The following SCN10A variants were observed in gnomAD, a reference collection of about 807,000 sequenced individuals.
SCN10A encodes sodium voltage-gated channel alpha subunit 10.
SCN10A carries 162 observed loss-of-function variants against 170.7 expected under a neutral mutation model. The observed-to-expected ratio is 0.95, with a 90% CI of 0.84 to 1.08. SCN10A has a LOEUF of 1.08. Among genes scored for constraint, SCN10A ranks in the 50% least tolerant of loss-of-function variants. SCN10A has a pLI of 0.00. For missense variants in SCN10A, 2,527 were observed against 2,436.9 expected (o/e 1.04, Z -0.78); for synonymous variants, 985 against 904.6 (o/e 1.09, Z -1.59).
chr3:38,799,046 G>A (rs2064356583), intron 1 of SCN10A, among the ~76,000 whole-genome samples: 1 of 152,082 alleles, frequency 6.6e-6, no homozygotes, highest in Non-Finnish European at 1.5e-5. Context: ...GCCTCCCAAA[G>A]TGCTAGGATT....
chr3:38,764,210 A>G (rs192219936), intron 5 of SCN10A, among the ~76,000 whole-genome samples: 1 of 152,318 alleles, frequency 6.6e-6, no homozygotes, highest in African/African-American at 2.4e-5. Flanking sequence ...TTTTGGTTAC[A>G]TGAATAAGTT....
chr3:38,733,584 G>A (rs2063531410), intron 15 of SCN10A, among the ~76,000 whole-genome samples: 1 of 152,120 alleles, frequency 6.6e-6, no homozygotes, highest in Admixed American at 6.5e-5. Flanking sequence ...AATTTATGCT[G>A]TAATTTCTGC....
chr3:38,713,840 G>T (rs1167079772), intron 22 of SCN10A, 118 bp downstream of exon 22: 32 of 1,183,886 alleles, frequency 2.7e-5, no homozygotes, highest in Non-Finnish European at 3.6e-5. Context: ...GTTGGCCAGG[G>T]TGGTTTTGAA....
intron 12 of SCN10A, 118 bp from the exon 13 acceptor site, chr3:38,750,302 A>T (rs2063734748): frequency 1.7e-6 from 1 of 605,516 alleles, no homozygotes; most frequent in East Asian, 2.8e-5. Flanking sequence ...ACTTACAGAT[A>T]GAGATATGTT....
At position 38,793,886 on chromosome 3, in the gene SCN10A, C is replaced by G; in HGVS notation, c.125G>C (p.Arg42Thr). The G allele has an allele frequency of 1.9e-6, 3 of 1,614,072 alleles. No homozygotes were observed. Among genetic ancestry groups the G allele is most frequent in the Non-Finnish European group, 2.5e-6 (3 of 1,179,952 alleles). ...QGTKKAREKHREQKDQEEKPR... is the reference protein window; with the variant it reads ...QGTKKAREKHTEQKDQEEKPR... ...CTTCTCTTCTTGGTCCTTCTGCTCC[C>G]TATGCTTCTCTCTGGCTTTCTTTGT... Residue 42 changes from arginine (R) to threonine (T), a missense_variant, in exon 2 of 28, where the codon AGG becomes ACG. By Grantham distance (71) the Arg-to-Thr change is moderately conservative (BLOSUM62 -1). Coordinates refer to ENST00000449082, the MANE Select transcript of SCN10A (RefSeq NM_006514.4).
intron 1 of SCN10A, among the ~76,000 whole-genome samples, chr3:38,800,856 C>T (rs1194596443): frequency 6.6e-6 from 1 of 152,126 alleles, no homozygotes; most frequent in Non-Finnish European, 1.5e-5. Flanking sequence ...TCTTCATAGG[C>T]TATAGTAGCA....
Position 38,771,393 on chromosome 3 carries a change from A to C in SCN10A, c.485T>G (p.Val162Gly), listed in dbSNP as rs2126041064. Residue 162 changes from valine (V) to glycine (G), a missense_variant, in exon 5 of 28, where the codon GTC becomes GGC. By Grantham distance (109) the Val-to-Gly change is moderately radical (BLOSUM62 -3). Transcript: ENST00000449082. ...LPEKIEYVFTVIYTFEALIKI... is the reference protein window; with the variant it reads ...LPEKIEYVFTGIYTFEALIKI... ...TATCAAGGCTTCAAAGGTGTAAATG[A>C]CAGTGAAGACATATCTGGGAAGGAG... 5 of 1,614,072 alleles carry C rather than the reference A, an allele frequency of 3.1e-6. No homozygotes were observed. Among genetic ancestry groups the C allele is most frequent in the Non-Finnish European group, 2.5e-6 (3 of 1,179,938 alleles).
intron 26 of SCN10A, among the ~76,000 whole-genome samples, chr3:38,703,545 T>C (rs2063179206): frequency 1.3e-5 from 2 of 152,226 alleles, no homozygotes; most frequent in South Asian, 2.1e-4. Context: ...AGATCATGAA[T>C]GACTTCCCAT....
chr3:38,751,890 T>C (rs1368717319), intron 12 of SCN10A, among the ~76,000 whole-genome samples: 5 of 152,184 alleles, frequency 3.3e-5, no homozygotes, highest in Non-Finnish European at 7.3e-5. Flanking sequence ...GTTTTTCTCA[T>C]ACCTGTCCAA....
chr3:38,748,774 C>T (rs2063718426), intron 13 of SCN10A, among the ~76,000 whole-genome samples: 1 of 152,166 alleles, frequency 6.6e-6, no homozygotes, highest in Non-Finnish European at 1.5e-5. Context: ...CTAAGGTTGA[C>T]CTAAGCTAAG....
At chr3:38,750,282 G>A in intron 12 of SCN10A, 98 bp from the exon 13 acceptor site, 1 of 632,522 alleles carries the variant, frequency 1.6e-6, no homozygotes, top group Non-Finnish European at 2.9e-6. Flanking sequence ...CTCATATATA[G>A]TCATATGTCA....
chr3:38,796,772 T>C (rs2064343700), intron 1 of SCN10A, among the ~76,000 whole-genome samples: 1 of 152,192 alleles, frequency 6.6e-6, no homozygotes, highest in Non-Finnish European at 1.5e-5. Flanking sequence ...TTAGGATTCC[T>C]GTTTCATGTT....
intron 5 of SCN10A, among the ~76,000 whole-genome samples, chr3:38,768,001 T>C (rs887463706): frequency 7.2e-5 from 11 of 152,128 alleles, no homozygotes; most frequent in Admixed American, 2.6e-4. Context: ...TCCCTCTTTG[T>C]CTTTTTTTAA....
At chr3:38,765,717 C>T (rs1319357110) in intron 5 of SCN10A, among the ~76,000 whole-genome samples, 5 of 151,968 alleles carry the variant, frequency 3.3e-5, no homozygotes, top group African/African-American at 7.3e-5. Context: ...TTTTTGGTTC[C>T]CTATGAATTT....
chr3:38,802,986 A>G, intron 1 of SCN10A, among the ~76,000 whole-genome samples: 1 of 152,176 alleles, frequency 6.6e-6, no homozygotes, highest in Non-Finnish European at 1.5e-5. Context: ...AAAAGTGGGC[A>G]AAGGATATGA....
chr3:38,773,634 A>G (rs1337018024), intron 4 of SCN10A, among the ~76,000 whole-genome samples: 5 of 152,264 alleles, frequency 3.3e-5, no homozygotes, highest in African/African-American at 7.2e-5. Flanking sequence ...TATTAACTCC[A>G]AGGAAAGCAA....
chr3:38,710,191 G>T (rs900780841), intron 24 of SCN10A, among the ~76,000 whole-genome samples: 5 of 151,900 alleles, frequency 3.3e-5, no homozygotes, highest in African/African-American at 4.8e-5. Flanking sequence ...ATTGAGTCTC[G>T]CTGTCTCGCC....
At chr3:38,756,458 G>A (rs373370616) in intron 10 of SCN10A, among the ~76,000 whole-genome samples, 1 of 152,100 alleles carries the variant, frequency 6.6e-6, no homozygotes, top group Non-Finnish European at 1.5e-5. Flanking sequence ...TGCTTCATTC[G>A]CTTTCTCCTG....
At chr3:38,758,125 C>T (rs114348777) in intron 8 of SCN10A, among the ~76,000 whole-genome samples, 2,444 of 152,322 alleles carry the variant, frequency 0.016, 72 homozygotes, top group African/African-American at 0.055. Flanking sequence ...CTCTGGGGCT[C>T]TCCTTATCCC....
Sources: gnomAD v4.1 joint callset for allele counts (sites outside exome capture counted in the v4.1 genomes callset) on GRCh38, gnomAD v4.1.1 for gene constraint, MANE v1.5 for transcripts, NCBI Gene and HGNC (gene_info 2026-07-23, HGNC 2026-07-21) for gene names.